PTCH1: variants seen among roughly 807,000 people sequenced by gnomAD.
PTCH1 encodes the protein protein patched homolog 1.
A neutral mutation model predicts 144.6 loss-of-function variants in PTCH1; 14 were observed. The observed-to-expected ratio is 0.10, with a 90% CI of 0.06 to 0.15. The LOEUF (loss-of-function observed/expected upper bound fraction) is 0.15. PTCH1 is among the 10% of genes least tolerant of loss of function. The pLI is 1.00. For missense variants in PTCH1, 1,623 were observed against 1,948.3 expected (o/e 0.83, Z 3.14); for synonymous variants, 833 against 793.6 (o/e 1.05, Z -0.83).
intron 2 of PTCH1, among the ~76,000 whole-genome samples, chr9:95,497,312 G>A (rs778214189): frequency 4.6e-5 from 7 of 152,168 alleles, no homozygotes; most frequent in Non-Finnish European, 8.8e-5. Context: ...ACGTTATACC[G>A]GAGGGTGGCC....
chr9:95,465,830 TA>T (rs778073090), intron 15 of PTCH1, among the ~76,000 whole-genome samples: 10 of 152,220 alleles, frequency 6.6e-5, no homozygotes, highest in Non-Finnish European at 1.2e-4. Flanking sequence ...GGTACTCCAG[TA>T]AAAGTGTTTT....
intron 7 of PTCH1, 108 bp downstream of exon 7, chr9:95,479,861 A>G: frequency 6.4e-7 from 1 of 1,557,778 alleles, no homozygotes; most frequent in Non-Finnish European, 8.9e-7. Context: ...AGCGAGGATA[A>G]CGGTTTAAGT....
intron 12 of PTCH1, among the ~76,000 whole-genome samples, chr9:95,471,798 G>A (rs1353517550): frequency 6.6e-6 from 1 of 152,230 alleles, no homozygotes; most frequent in Non-Finnish European, 1.5e-5. Flanking sequence ...CCAGCACTGT[G>A]GGAGGCCGAG....
In PTCH1 at chr9:95,459,798, A is replaced by G; in HGVS notation, c.2704-15T>C. The stretch of plus-strand genomic sequence containing the variant: ...TGTTTAGTCAACTACAAAAACGGGA[A>G]GAACAGAGGCCTTTGAGAATGGGGT... On this transcript the variant is annotated splice_polypyrimidine_tract_variant and intron_variant, in intron 16 of 23. Transcript: ENST00000331920. 1 of 1,613,798 alleles carries G rather than the reference A, an allele frequency of 6.2e-7. No individual in the cohort carries two copies. Among genetic ancestry groups the G allele is most frequent in the African/African-American group, 1.3e-5 (1 of 75,068 alleles).
chr9:95,456,550 C>CTTT (rs1254093973), intron 18 of PTCH1, 137 bp from the exon 19 acceptor site: 64 of 1,223,336 alleles, frequency 5.2e-5, no homozygotes, highest in Non-Finnish European at 7.2e-5. Context: ...TAACTCTGGA[C>CTTT]ACTGCCTTTA....
chr9:95,508,030 G>A, intron 1 of PTCH1, 131 bp downstream of exon 1: 2 of 1,520,094 alleles, frequency 1.3e-6, no homozygotes, highest in East Asian at 2.4e-5. Context: ...TTTTCCTGGA[G>A]AGGTGTGAGT....
chr9:95,497,124 A>G (rs1842848533), intron 2 of PTCH1, among the ~76,000 whole-genome samples: 1 of 152,196 alleles, frequency 6.6e-6, no homozygotes, highest in Non-Finnish European at 1.5e-5. Context: ...GTATTTCAAC[A>G]ATTCCGCAAA....
At chr9:95,447,601 T>TCC in intron 22 of PTCH1, 150 bp from the exon 23 acceptor site, 1 of 823,304 alleles carries the variant, frequency 1.2e-6, no homozygotes, top group Non-Finnish European at 1.8e-6. Context: ...GAAAAGCCTG[T>TCC]CCTTCTAATA....
chr9:95,476,628 C>T lies in PTCH1; in HGVS notation c.1602+131G>A. 1 of 872,950 alleles carries T rather than the reference C, an allele frequency of 1.1e-6. No homozygotes were observed. The allele number at this position is 872,950 out of a possible 1,614,324, so 54.1% of individuals were successfully genotyped here. A position where few individuals can be genotyped will look rare whatever the true frequency, so the allele number is the denominator to read the frequency against. On this transcript the variant is annotated intron_variant, in intron 11 of 23. Transcript: ENST00000331920. This position sits in a 1 kb window ranked among gnomAD's most constrained non-coding sequence, Gnocchi z 4.6. ...TCCAGCTTATTTCATTGACTGGCAGCCAGTGACACATCATCTGACATGGGA... is the reference window on the plus strand; with the variant it reads ...TCCAGCTTATTTCATTGACTGGCAGTCAGTGACACATCATCTGACATGGGA...
At chr9:95,516,335 C>G (rs1844362080) in intron 1 of PTCH1, 1 of 593,826 alleles carries the variant, frequency 1.7e-6, no homozygotes, top group Admixed American at 6.2e-5. Context: ...GCCCGCCCCT[C>G]CTGCCCGGCG....
At chr9:95,513,061 T>G (rs895787043), upstream of PTCH1, among the ~76,000 whole-genome samples, 2 of 152,204 alleles carry the variant, frequency 1.3e-5, no homozygotes, top group African/African-American at 4.8e-5. Context: ...GTTCCAATAC[T>G]ACAAATATCC....
intron 15 of PTCH1, among the ~76,000 whole-genome samples, chr9:95,464,062 A>C (rs930214261): frequency 6.6e-6 from 1 of 152,224 alleles, no homozygotes; most frequent in African/African-American, 2.4e-5. Flanking sequence ...CTATCTGGGG[A>C]GGTCAGCCTT....
At chr9:95,516,924 A>G (rs1321526581) in exon 1 of PTCH1, 5 of 951,836 alleles carry the variant, frequency 5.3e-6, no homozygotes, top group Non-Finnish European at 7.7e-6. Flanking sequence ...AGGAAAGCAA[A>G]GTAAACTCGA....
chr9:95,481,323 T>C (rs750718541), intron 5 of PTCH1, among the ~76,000 whole-genome samples: 20 of 152,274 alleles, frequency 1.3e-4, no homozygotes, highest in Non-Finnish European at 2.6e-4. Flanking sequence ...TTTGCAGATA[T>C]GTGCAAGCCA....
chr9:95,508,739 C>T lies in PTCH1; in HGVS notation c.-378G>A. The T allele has an allele frequency of 3.1e-6, 3 of 982,686 alleles. No homozygotes were observed. The highest frequency in any genetic ancestry group is 3.6e-6 in the Non-Finnish European group (3 of 827,392). 60.9% of individuals were successfully genotyped at this position (982,686 alleles called of 1,614,324 possible). On this transcript the variant is annotated 5_prime_UTR_variant, in exon 1 of 24. Transcript: ENST00000331920. The stretch of plus-strand genomic sequence containing the variant: ...GCGGCACTCCTTGCGGTCCCCAACT[C>T]CCCCTACCCGCCCCCCGCCCCGCGC...
chr9:95,462,835 C>A (rs904058458), intron 15 of PTCH1, among the ~76,000 whole-genome samples: 2 of 152,252 alleles, frequency 1.3e-5, no homozygotes, highest in Non-Finnish European at 2.9e-5. Context: ...CCACACACAG[C>A]TGCGCTTGGC....
intron 20 of PTCH1, chr9:95,451,231 G>A (rs977711318): frequency 1.3e-5 from 2 of 152,152 alleles, no homozygotes; most frequent in East Asian, 1.9e-4. Flanking sequence ...TGGAACTTTC[G>A]GCTGGGGCAT....
chr9:95,468,823 G>C lies in PTCH1; in HGVS notation c.2178C>G (p.Pro726=), dbSNP rs1588573960. Residue 726 remains proline, a synonymous_variant, in exon 14 of 24, where the codon CCC becomes CCG. Transcript: ENST00000331920. ...SDSSLHCLEP[P]CTKWTLSSFA... ...AAGATGAGAGTGTCCACTTCGTACA[G>C]GGGGGCTCGAGGCAGTGGAGGCTGG... 6.2e-7 allele frequency: 1 copy of C among 1,614,112 alleles called. No homozygotes were observed. Among genetic ancestry groups the C allele is most frequent in the African/African-American group, 1.3e-5 (1 of 75,038 alleles).
chr9:95,516,955 C>T, exon 1 of PTCH1: 1 of 688,736 alleles, frequency 1.5e-6, no homozygotes, highest in South Asian at 2.4e-5. Context: ...ATCAGCACAG[C>T]CCTCCTGGGT....
Sources: allele counts gnomAD v4.1 joint callset (sites outside exome capture counted in the v4.1 genomes callset), GRCh38; gene constraint gnomAD v4.1.1; non-coding constraint Gnocchi (gnomAD v3.1); transcripts MANE v1.5; gene names NCBI Gene and HGNC (gene_info 2026-07-23, HGNC 2026-07-21).